LRRC37A2: variants seen among roughly 807,000 people sequenced by gnomAD.
LRRC37A2 encodes the protein leucine-rich repeat-containing protein 37A2.
Under a neutral mutation model 68.8 loss-of-function variants are expected in LRRC37A2, and 9 were observed. The observed-to-expected ratio is 0.13, with a 90% CI of 0.08 to 0.23. The LOEUF is 0.23. LRRC37A2 is among the 10% of genes least tolerant of loss of function. The probability of loss-of-function intolerance (pLI) is 1.00; values close to 1 mark genes in which losing one functional copy is unlikely to be tolerated. For synonymous variants in LRRC37A2, 63 were observed against 367.6 expected (o/e 0.17, Z 9.48); for missense variants, 168 against 950.4 (o/e 0.18, Z 10.82).
the LRRC37A2 span, among the ~76,000 whole-genome samples, chr17:46,942,219 G>T: frequency 6.6e-6 from 1 of 152,166 alleles, no homozygotes. Context: ...AGAAAGAAAC[G>T]TCATCTGTTA....
chr17:46,951,330 C>T, the LRRC37A2 span, among the ~76,000 whole-genome samples: 1 of 152,166 alleles, frequency 6.6e-6, no homozygotes, highest in Non-Finnish European at 1.5e-5. Context: ...AGCTCATCCA[C>T]CCAGAGCCCA....
At chr17:46,667,771 TG>T in the LRRC37A2 span, among the ~76,000 whole-genome samples, 1 of 122,110 alleles carries the variant, frequency 8.2e-6, no homozygotes, top group East Asian at 2.1e-4. Context: ...CACACCACTT[TG>T]GGGATCTCAG....
At chr17:46,901,201 G>A in the LRRC37A2 span, among the ~76,000 whole-genome samples, 8 of 151,672 alleles carry the variant, frequency 5.3e-5, no homozygotes, top group East Asian at 1.2e-3. Flanking sequence ...TCACTCTGTC[G>A]CCCAGGCTGA....
the LRRC37A2 span, among the ~76,000 whole-genome samples, chr17:46,985,720 CTG>C: frequency 6.6e-6 from 1 of 152,178 alleles, no homozygotes; most frequent in Non-Finnish European, 1.5e-5. Context: ...CCCTAATTGA[CTG>C]TGTGACATTG....
the LRRC37A2 span, among the ~76,000 whole-genome samples, chr17:46,995,130 C>T: frequency 6.6e-6 from 1 of 152,196 alleles, no homozygotes; most frequent in Admixed American, 6.5e-5. Flanking sequence ...CCCCACTCCC[C>T]CAAACAATAC....
At chr17:46,931,253 A>G in the LRRC37A2 span, 2 of 919,294 alleles carry the variant, frequency 2.2e-6, no homozygotes, top group South Asian at 2.6e-5. Context: ...AGGCCCATCA[A>G]GACAGGCTTT....
chr17:46,890,104 A>G, the LRRC37A2 span, among the ~76,000 whole-genome samples: 1 of 152,022 alleles, frequency 6.6e-6, no homozygotes, highest in African/African-American at 2.4e-5. Flanking sequence ...GGTCTGCTCT[A>G]TGTCTTTTGT....
chr17:46,977,914 C>T, the LRRC37A2 span, among the ~76,000 whole-genome samples: 119 of 152,370 alleles, frequency 7.8e-4, 1 homozygote, highest in Middle Eastern at 0.034. Context: ...TAATTAATCT[C>T]ACCAGCTGTC....
At chr17:46,874,199 C>T in the LRRC37A2 span, among the ~76,000 whole-genome samples, 1 of 152,036 alleles carries the variant, frequency 6.6e-6, no homozygotes, top group African/African-American at 2.4e-5. Context: ...AGAGGAGTGT[C>T]GGTGGTTCTG....
the LRRC37A2 span, chr17:47,017,464 C>T: frequency 1.3e-6 from 2 of 1,500,132 alleles, no homozygotes; most frequent in East Asian, 4.5e-5. Context: ...GGGCCCTCTG[C>T]TTCCTCAGAG....
At chr17:46,842,948 G>A in the LRRC37A2 span, among the ~76,000 whole-genome samples, 7 of 152,176 alleles carry the variant, frequency 4.6e-5, no homozygotes, top group South Asian at 2.1e-4. Flanking sequence ...AACCGAGGTC[G>A]CAGAGGAAGC....
the LRRC37A2 span, among the ~76,000 whole-genome samples, chr17:46,769,370 T>A: frequency 6.6e-6 from 1 of 150,814 alleles, no homozygotes; most frequent in Non-Finnish European, 1.5e-5. Context: ...GTTATCTCCA[T>A]TTAACACATG....
chr17:46,449,038 T>TA, the LRRC37A2 span, among the ~76,000 whole-genome samples: 1 of 67,272 alleles, frequency 1.5e-5, no homozygotes, highest in Non-Finnish European at 2.9e-5. Context: ...TCATTGTTTT[T>TA]ATGGATGAAT....
chr17:47,020,416 C>T, the LRRC37A2 span, among the ~76,000 whole-genome samples: 1 of 149,440 alleles, frequency 6.7e-6, no homozygotes, highest in Non-Finnish European at 1.5e-5. Flanking sequence ...CCCTAGCTTT[C>T]TATATGTAGA....
intron 6 of LRRC37A2, among the ~76,000 whole-genome samples, chr17:46,532,869 G>A (rs1180918752): frequency 2.7e-5 from 4 of 149,132 alleles, no homozygotes; most frequent in East Asian, 1.9e-4. Flanking sequence ...GGGAGGCTGC[G>A]GTGGGAGGAT....
the LRRC37A2 span, among the ~76,000 whole-genome samples, chr17:46,488,035 CA>C: frequency 1.5e-5 from 1 of 64,772 alleles, no homozygotes; most frequent in East Asian, 3.0e-4. Context: ...AGTACTGGTC[CA>C]TGGCCCGTTA....
At chr17:46,511,184 T>G (rs1358452792), upstream of LRRC37A2, among the ~76,000 whole-genome samples, 1 of 126,602 alleles carries the variant, frequency 7.9e-6, no homozygotes, top group East Asian at 2.4e-4. Flanking sequence ...ATGGAATTTT[T>G]TTTAAAAAAA....
chr17:46,964,431 G>A, the LRRC37A2 span: 4 of 152,176 alleles, frequency 2.6e-5, no homozygotes, highest in African/African-American at 9.7e-5. Flanking sequence ...AAGAGCAGCC[G>A]GGACCTGCTG....
chr17:46,872,806 G>A, the LRRC37A2 span: 7 of 1,477,070 alleles, frequency 4.7e-6, no homozygotes, highest in South Asian at 1.2e-5. Context: ...GGGGAGGGCT[G>A]GGGGAAGAAG....
Sources: gnomAD v4.1 joint callset for allele counts (sites outside exome capture counted in the v4.1 genomes callset) on GRCh38, gnomAD v4.1.1 for gene constraint, MANE v1.5 for transcripts, NCBI Gene and HGNC (gene_info 2026-07-23, HGNC 2026-07-21) for gene names.